Variants in ADGRL3 observed in about 807,000 individuals in gnomAD.
ADGRL3 encodes calcium-independent alpha-latrotoxin receptor 3.
A neutral mutation model predicts 153.5 loss-of-function variants in ADGRL3; 62 were observed. The observed-to-expected ratio is 0.40, with a 90% CI of 0.33 to 0.50. The LOEUF is 0.50. Ranked by LOEUF, ADGRL3 falls within the 20% of genes least tolerant of loss-of-function variation. ADGRL3 has a pLI of 0.47. For missense variants in ADGRL3, 1,641 were observed against 1,859.4 expected, an observed-to-expected ratio of 0.88 and a Z score of 2.16; for synonymous variants, 710 against 672.5, an observed-to-expected ratio of 1.06 and a Z score of -0.86.
At chr4:61,261,353 T>C (rs2092504473) in intron 1 of ADGRL3, among the ~76,000 whole-genome samples, 2 of 152,086 alleles carry the variant, frequency 1.3e-5, no homozygotes, top group Non-Finnish European at 2.9e-5. Flanking sequence ...TTTAAATCAT[T>C]TCTAGATGAC....
intron 9 of ADGRL3, among the ~76,000 whole-genome samples, chr4:61,843,105 G>T (rs1315456300): frequency 1.3e-5 from 2 of 152,118 alleles, no homozygotes; most frequent in Non-Finnish European, 2.9e-5. Flanking sequence ...GTGGGTCTTT[G>T]TTGGAAAGGT....
At chr4:61,741,744 C>A (rs1488742633) in intron 8 of ADGRL3, among the ~76,000 whole-genome samples, 1 of 152,232 alleles carries the variant, frequency 6.6e-6, no homozygotes. Flanking sequence ...CTGAACTTAA[C>A]TATACAGCTG....
At chr4:61,958,044 AT>A (rs2098974103) in intron 17 of ADGRL3, among the ~76,000 whole-genome samples, 1 of 152,192 alleles carries the variant, frequency 6.6e-6, no homozygotes, top group Non-Finnish European at 1.5e-5. Context: ...CATAATGAGT[AT>A]TCAGTAAAAG....
chr4:61,927,943 A>T (rs2098801455), intron 13 of ADGRL3, among the ~76,000 whole-genome samples: 1 of 151,932 alleles, frequency 6.6e-6, no homozygotes, highest in African/African-American at 2.4e-5. Flanking sequence ...GAAAGCAATA[A>T]ATGGGAGCAG....
At chr4:61,860,025 C>T (rs1459111185) in intron 9 of ADGRL3, among the ~76,000 whole-genome samples, 1 of 151,904 alleles carries the variant, frequency 6.6e-6, no homozygotes, top group Non-Finnish European at 1.5e-5. Flanking sequence ...TTATACTCAC[C>T]TGAAAAAAAT....
chr4:61,563,199 A>T (rs896199477), intron 4 of ADGRL3, among the ~76,000 whole-genome samples: 1 of 152,190 alleles, frequency 6.6e-6, no homozygotes, highest in African/African-American at 2.4e-5. Flanking sequence ...GTCCTTGAAC[A>T]TCTCCATCGG....
intron 15 of ADGRL3, among the ~76,000 whole-genome samples, chr4:61,937,089 A>C (rs2150169198): frequency 6.6e-6 from 1 of 152,348 alleles, no homozygotes; most frequent in South Asian, 2.1e-4. Flanking sequence ...AAGATTCAGT[A>C]GAGCAAAATT....
chr4:61,380,645 A>G (rs2096656233), intron 1 of ADGRL3, among the ~76,000 whole-genome samples: 1 of 152,036 alleles, frequency 6.6e-6, no homozygotes, highest in Non-Finnish European at 1.5e-5. Flanking sequence ...AGTGAGTTGC[A>G]ATAATTTCTG....
intron 19 of ADGRL3, among the ~76,000 whole-genome samples, chr4:61,995,237 G>T (rs1027891934): frequency 6.6e-6 from 1 of 150,986 alleles, no homozygotes. Context: ...ATTGACATAC[G>T]TAGATCTACT....
intron 5 of ADGRL3, among the ~76,000 whole-genome samples, chr4:61,648,335 G>C (rs2094117876): frequency 7.0e-6 from 1 of 143,396 alleles, no homozygotes; most frequent in Non-Finnish European, 1.5e-5. Flanking sequence ...TTAAGAGTTA[G>C]GAAATGAAAT....
chr4:61,513,455 C>A (rs1042783655), intron 3 of ADGRL3, among the ~76,000 whole-genome samples: 5 of 152,090 alleles, frequency 3.3e-5, no homozygotes, highest in Non-Finnish European at 7.4e-5. Flanking sequence ...TATCTGCCCA[C>A]AACCAACATT....
At chr4:61,303,658 G>A (rs1247306724) in intron 1 of ADGRL3, among the ~76,000 whole-genome samples, 1 of 152,046 alleles carries the variant, frequency 6.6e-6, no homozygotes, top group Non-Finnish European at 1.5e-5. Context: ...CATTTCAGGT[G>A]GCATCATTAA....
chr4:61,485,345 G>A (rs2098178644), intron 2 of ADGRL3, among the ~76,000 whole-genome samples: 1 of 152,066 alleles, frequency 6.6e-6, no homozygotes, highest in African/African-American at 2.4e-5. Flanking sequence ...TTATTATACA[G>A]ATATCCTTTT....
At chr4:61,928,924 G>A (rs1309518028) in intron 13 of ADGRL3, among the ~76,000 whole-genome samples, 1 of 151,978 alleles carries the variant, frequency 6.6e-6, no homozygotes, top group Non-Finnish European at 1.5e-5. Context: ...TACCCAAATG[G>A]TATCACGGCA....
chr4:62,008,603 CATT>C (rs1240612916), intron 21 of ADGRL3, among the ~76,000 whole-genome samples: 135 of 151,662 alleles, frequency 8.9e-4, no homozygotes, highest in Non-Finnish European at 7.4e-5. Flanking sequence ...AAAAATATAA[CATT>C]ATTATGAAGT....
chr4:61,670,078 G>A (rs1190737549), intron 5 of ADGRL3, among the ~76,000 whole-genome samples: 1 of 152,122 alleles, frequency 6.6e-6, no homozygotes, highest in South Asian at 2.1e-4. Context: ...GGTGGATCAT[G>A]AGGTCAAGAG....
At chr4:61,282,781 A>G (rs2093777504) in intron 1 of ADGRL3, among the ~76,000 whole-genome samples, 1 of 152,060 alleles carries the variant, frequency 6.6e-6, no homozygotes, top group Non-Finnish European at 1.5e-5. Flanking sequence ...ATAAAACCTC[A>G]TATTTCACAG....
At chr4:61,590,166 A>G (rs1442218529) in intron 5 of ADGRL3, among the ~76,000 whole-genome samples, 3 of 152,124 alleles carry the variant, frequency 2.0e-5, no homozygotes, top group African/African-American at 7.2e-5. Flanking sequence ...CTAAACATTA[A>G]CAAACCTATA....
At chr4:61,404,736 A>C (rs913152839) in intron 2 of ADGRL3, among the ~76,000 whole-genome samples, 2 of 152,080 alleles carry the variant, frequency 1.3e-5, no homozygotes, top group Non-Finnish European at 2.9e-5. Flanking sequence ...TGTGCTTTGC[A>C]AAAAGTGTCT....
Sources: allele counts gnomAD v4.1 joint callset (sites outside exome capture counted in the v4.1 genomes callset), GRCh38; gene constraint gnomAD v4.1.1; transcripts MANE v1.5; gene names NCBI Gene and HGNC (gene_info 2026-07-23, HGNC 2026-07-21).